CALN1: variants seen among roughly 807,000 people sequenced by gnomAD.
CALN1 encodes calneuron 1, also known as calcium-binding protein 8.
CALN1 carries 17 observed loss-of-function variants against 30.6 expected under a neutral mutation model. The observed-to-expected ratio is 0.56, with a 90% CI of 0.38 to 0.83. The LOEUF (loss-of-function observed/expected upper bound fraction) is 0.83, where lower values mean the gene tolerates loss of function less well. Ranked by LOEUF, CALN1 falls within the 40% of genes least tolerant of loss-of-function variation. CALN1 has a pLI of 0.00. For synonymous variants in CALN1, 156 were observed against 131.4 expected (o/e 1.19, Z -1.28); for missense variants, 291 against 354.9 (o/e 0.82, Z 1.45).
chr7:72,494,054 G>A, the CALN1 span, among the ~76,000 whole-genome samples: 1 of 152,158 alleles, frequency 6.6e-6, no homozygotes, highest in Non-Finnish European at 1.5e-5. Flanking sequence ...AGCTGGGCAT[G>A]GTGGTGCATG....
At chr7:72,270,470 T>C (rs565349945) in intron 3 of CALN1, among the ~76,000 whole-genome samples, 1 of 152,182 alleles carries the variant, frequency 6.6e-6, no homozygotes, top group Non-Finnish European at 1.5e-5. Flanking sequence ...AAAAAGAAGA[T>C]AAAAGTTTTA....
intron 2 of CALN1, among the ~76,000 whole-genome samples, chr7:72,375,046 T>C (rs1804474566): frequency 6.6e-6 from 1 of 152,180 alleles, no homozygotes; most frequent in Admixed American, 6.5e-5. Context: ...GCATCCAGAT[T>C]GGAAAAAAAG....
chr7:71,801,481 G>T (rs1364415860), intron 6 of CALN1, among the ~76,000 whole-genome samples: 5 of 129,762 alleles, frequency 3.9e-5, no homozygotes, highest in South Asian at 2.4e-4. Context: ...TCGAGACAGG[G>T]TTTTGCCATG....
the CALN1 span, among the ~76,000 whole-genome samples, chr7:72,460,087 C>T: frequency 2.1e-4 from 32 of 152,202 alleles, no homozygotes; most frequent in Admixed American, 1.8e-3. Context: ...GCCCTTTAAA[C>T]CAGACCCTTT....
At chr7:71,830,739 T>C (rs940835931) in intron 5 of CALN1, among the ~76,000 whole-genome samples, 3 of 152,326 alleles carry the variant, frequency 2.0e-5, no homozygotes, top group South Asian at 2.1e-4. Context: ...GTGTGACTCA[T>C]TGAAAGTTAC....
intron 6 of CALN1, 34 bp downstream of exon 6, chr7:71,810,302 G>C (rs773604118): frequency 3.1e-6 from 5 of 1,607,202 alleles, no homozygotes; most frequent in Middle Eastern, 3.6e-4. Context: ...GGCCTGTCCC[G>C]GACCGGGGAG....
intron 2 of CALN1, among the ~76,000 whole-genome samples, chr7:72,391,163 G>A (rs1054224465): frequency 3.9e-5 from 6 of 152,046 alleles, no homozygotes; most frequent in East Asian, 1.9e-4. Context: ...CCTCCCAACC[G>A]CAGAGGCTGG....
At chr7:72,349,497 A>G (rs1468061655) in intron 2 of CALN1, among the ~76,000 whole-genome samples, 1 of 152,200 alleles carries the variant, frequency 6.6e-6, no homozygotes, top group Non-Finnish European at 1.5e-5. Context: ...ATGATAGAGA[A>G]AAATCTTAAA....
At chr7:72,233,395 T>C (rs1431296216) in intron 3 of CALN1, among the ~76,000 whole-genome samples, 2 of 151,736 alleles carry the variant, frequency 1.3e-5, no homozygotes, top group Non-Finnish European at 2.9e-5. Context: ...GAGAAGGCAG[T>C]GTTCACAAAG....
Position 71,972,931 on chromosome 7 carries a change from T to G in CALN1, c.501+50726A>C, listed in dbSNP as rs554600155. ...GGAACAGTCACCTGATGTTCACTCATGAAAAGAGGGACAGTTCTATAAACA... is the reference window on the plus strand; with the variant it reads ...GGAACAGTCACCTGATGTTCACTCAGGAAAAGAGGGACAGTTCTATAAACA... On this transcript the variant is annotated intron_variant, in intron 5 of 6. Transcript: ENST00000395275. Among the ~76,000 whole-genome samples, 8 of 152,244 alleles carry G rather than the reference T, an allele frequency of 5.3e-5. No individual in the cohort carries two copies. In the South Asian group the frequency reaches 1.7e-3, roughly 32 times the overall value.
intron 3 of CALN1, among the ~76,000 whole-genome samples, chr7:72,200,320 T>TC (rs1252491482): frequency 3.3e-5 from 5 of 152,134 alleles, no homozygotes; most frequent in Admixed American, 2.6e-4. Context: ...CCTTAACCTC[T>TC]CCAAGCCTCC....
chr7:72,348,156 T>TTA (rs1222701255), intron 2 of CALN1, among the ~76,000 whole-genome samples: 1 of 152,166 alleles, frequency 6.6e-6, no homozygotes, highest in Non-Finnish European at 1.5e-5. Context: ...AAAACCTCAA[T>TTA]TATGTTTGCA....
At chr7:72,359,587 T>C (rs1803437795) in intron 2 of CALN1, among the ~76,000 whole-genome samples, 1 of 152,108 alleles carries the variant, frequency 6.6e-6, no homozygotes, top group Non-Finnish European at 1.5e-5. Context: ...TAACAACACA[T>C]GTATGCACTA....
At chr7:72,093,431 T>G (rs1345733571) in intron 4 of CALN1, among the ~76,000 whole-genome samples, 1 of 152,252 alleles carries the variant, frequency 6.6e-6, no homozygotes, top group African/African-American at 2.4e-5. Context: ...ATTCTGAGAT[T>G]GGTTTGCTTG....
chr7:72,100,165 T>A (rs201531221), intron 4 of CALN1, among the ~76,000 whole-genome samples: 1 of 10,582 alleles, frequency 9.5e-5, no homozygotes, highest in South Asian at 8.2e-3. Context: ...AGTTTTTTTG[T>A]TTTTTTTTTA....
At chr7:72,340,184 T>G (rs1023069912) in intron 2 of CALN1, among the ~76,000 whole-genome samples, 2 of 152,182 alleles carry the variant, frequency 1.3e-5, no homozygotes, top group African/African-American at 2.4e-5. Flanking sequence ...AAACCCCGTA[T>G]TTTTAGACAA....
intron 4 of CALN1, among the ~76,000 whole-genome samples, chr7:72,092,055 T>C (rs1805899986): frequency 6.6e-6 from 1 of 152,220 alleles, no homozygotes; most frequent in South Asian, 2.1e-4. Context: ...TCAAGTATTC[T>C]TTTTAAAAAT....
At chr7:72,275,907 T>C (rs1355923088) in intron 3 of CALN1, among the ~76,000 whole-genome samples, 2 of 152,088 alleles carry the variant, frequency 1.3e-5, no homozygotes, top group Non-Finnish European at 2.9e-5. Context: ...AGCAGCCCTC[T>C]TGAAAAGCCA....
intron 2 of CALN1, among the ~76,000 whole-genome samples, chr7:72,295,193 T>A (rs1336812150): frequency 2.0e-5 from 3 of 152,184 alleles, no homozygotes; most frequent in Non-Finnish European, 2.9e-5. Context: ...AAGCCAAAAT[T>A]GAAAATTTTA....
Sources: allele counts gnomAD v4.1 joint callset (sites outside exome capture counted in the v4.1 genomes callset), GRCh38; gene constraint gnomAD v4.1.1; transcripts MANE v1.5; gene names NCBI Gene and HGNC (gene_info 2026-07-23, HGNC 2026-07-21).